Variants in ASIC2 observed in about 807,000 individuals in gnomAD.
The protein encoded by ASIC2 is acid-sensing ion channel 2.
In ASIC2, 25 loss-of-function variants were observed where a neutral mutation model predicts 57.3. That is an observed-to-expected ratio of 0.44 (90% CI 0.32 to 0.61). The LOEUF is 0.61. Among genes scored for constraint, ASIC2 ranks in the 20% least tolerant of loss-of-function variants. The pLI, the probability that ASIC2 is intolerant of heterozygous loss-of-function variation, is 0.06. For synonymous variants in ASIC2, 319 were observed against 307.5 expected, an observed-to-expected ratio of 1.04 and a Z score of -0.39; for missense variants, 641 against 738.1, an observed-to-expected ratio of 0.87 and a Z score of 1.52.
intron 1 of ASIC2, among the ~76,000 whole-genome samples, chr17:34,135,656 GA>G (rs1485324383): frequency 6.6e-6 from 1 of 152,014 alleles, no homozygotes; most frequent in Admixed American, 6.6e-5. Flanking sequence ...ACAGGATGAT[GA>G]AGTTTCCCAC....
At chr17:33,789,466 A>T (rs4104334) in intron 1 of ASIC2, among the ~76,000 whole-genome samples, 3,059 of 26,396 alleles carry the variant, frequency 0.12, 46 homozygotes, top group African/African-American at 0.19. Flanking sequence ...AATCATGGTC[A>T]CACACACACA....
chr17:33,543,951 G>A (rs963475340), intron 1 of ASIC2, among the ~76,000 whole-genome samples: 2 of 152,182 alleles, frequency 1.3e-5, no homozygotes, highest in African/African-American at 4.8e-5. Flanking sequence ...AAAGTATACA[G>A]TTGCATAAGC....
intron 1 of ASIC2, among the ~76,000 whole-genome samples, chr17:33,987,914 A>T (rs528849471): frequency 1.3e-5 from 2 of 152,380 alleles, no homozygotes; most frequent in South Asian, 4.1e-4. Context: ...AATAATAAAC[A>T]GTAATAAGAG....
At chr17:33,886,508 CACACACACATAT>C (rs1326716590) in intron 1 of ASIC2, among the ~76,000 whole-genome samples, 4 of 152,122 alleles carry the variant, frequency 2.6e-5, no homozygotes, top group African/African-American at 9.7e-5. Flanking sequence ...CTCATTCAAA[CACACACACATAT>C]ACACACACAC....
chr17:33,796,290 A>G (rs1450841306), intron 1 of ASIC2, among the ~76,000 whole-genome samples: 1 of 152,152 alleles, frequency 6.6e-6, no homozygotes, highest in East Asian at 1.9e-4. Flanking sequence ...CATAATGCTA[A>G]GCACATCTGG....
intron 1 of ASIC2, among the ~76,000 whole-genome samples, chr17:33,574,164 A>G (rs1000017219): frequency 6.6e-6 from 1 of 152,240 alleles, no homozygotes; most frequent in South Asian, 2.1e-4. Context: ...TTGTATCTGC[A>G]TTAGCATAAG....
At chr17:34,081,364 T>C (rs184598513) in intron 1 of ASIC2, among the ~76,000 whole-genome samples, 14 of 152,250 alleles carry the variant, frequency 9.2e-5, no homozygotes, top group Non-Finnish European at 1.5e-5. Context: ...TTAGAAGTGA[T>C]AGAAAAGGCA....
chr17:33,761,835 G>C (rs1910790556), intron 1 of ASIC2, among the ~76,000 whole-genome samples: 1 of 122,424 alleles, frequency 8.2e-6, no homozygotes, highest in African/African-American at 2.8e-5. Context: ...CAGCGCAAGG[G>C]CTTTTTTTTT....
chr17:33,236,214 A>T (rs987633549), intron 1 of ASIC2, among the ~76,000 whole-genome samples: 7 of 152,164 alleles, frequency 4.6e-5, no homozygotes, highest in Non-Finnish European at 1.0e-4. Context: ...TGTATTTTGC[A>T]TGAAGGAAGG....
Position 33,475,338 on chromosome 17 carries a change from C to T in ASIC2, c.556-363271G>A, listed in dbSNP as rs1597742262. Reference sequence around the variant, plus strand: ...TAAAATATTGCAGATACAATGGAATCGTATGTTGTACTTCTACTCCTCCTT... The same window carrying T: ...TAAAATATTGCAGATACAATGGAATTGTATGTTGTACTTCTACTCCTCCTT... On this transcript the variant is annotated intron_variant, in intron 1 of 9. Transcript: ENST00000359872. 3.3e-5 allele frequency among the ~76,000 whole-genome samples: 5 copies of T among 152,048 alleles called. No homozygotes were observed. The South Asian group carries it at 6.2e-4, about 19-fold the overall frequency.
chr17:33,647,943 CA>C (rs1906797886), intron 1 of ASIC2, among the ~76,000 whole-genome samples: 1 of 152,102 alleles, frequency 6.6e-6, no homozygotes, highest in Non-Finnish European at 1.5e-5. Flanking sequence ...TTCCAGACAC[CA>C]GGGAGGTATG....
At chr17:33,837,857 T>C (rs1223354623) in intron 1 of ASIC2, among the ~76,000 whole-genome samples, 1 of 152,152 alleles carries the variant, frequency 6.6e-6, no homozygotes, top group Non-Finnish European at 1.5e-5. Flanking sequence ...TCCAAACTCT[T>C]CTACATCCAG....
chr17:33,877,294 C>T (rs1022862939), intron 1 of ASIC2, among the ~76,000 whole-genome samples: 6 of 152,078 alleles, frequency 3.9e-5, no homozygotes, highest in African/African-American at 7.2e-5. Flanking sequence ...TGCAGCACAC[C>T]GAGCATGAGC....
chr17:33,983,109 C>T (rs1469569809), intron 1 of ASIC2, among the ~76,000 whole-genome samples: 2 of 152,148 alleles, frequency 1.3e-5, no homozygotes, highest in Non-Finnish European at 2.9e-5. Context: ...TGGCTGTCCA[C>T]TTAACTTGCT....
intron 1 of ASIC2, among the ~76,000 whole-genome samples, chr17:33,181,257 A>C (rs1271632355): frequency 6.6e-6 from 1 of 152,206 alleles, no homozygotes; most frequent in Non-Finnish European, 1.5e-5. Context: ...GTGTAAAATA[A>C]GGATAAAACT....
chr17:33,477,612 C>T (rs939717506), intron 1 of ASIC2, among the ~76,000 whole-genome samples: 6 of 152,194 alleles, frequency 3.9e-5, no homozygotes, highest in Non-Finnish European at 8.8e-5. Context: ...CTTCTTCTTT[C>T]ACTAGATCCT....
intron 1 of ASIC2, among the ~76,000 whole-genome samples, chr17:33,734,973 A>G (rs1051509781): frequency 2.0e-5 from 3 of 152,142 alleles, no homozygotes; most frequent in African/African-American, 7.2e-5. Flanking sequence ...CTTTCTTGCT[A>G]TTTCTCAAAA....
chr17:33,308,892 C>T (rs1906289599), intron 1 of ASIC2, among the ~76,000 whole-genome samples: 1 of 152,160 alleles, frequency 6.6e-6, no homozygotes, highest in South Asian at 2.1e-4. Context: ...AACTATCGAT[C>T]TCCTTTGTCG....
chr17:33,758,873 A>T (rs973271916), intron 1 of ASIC2, among the ~76,000 whole-genome samples: 2 of 151,214 alleles, frequency 1.3e-5, no homozygotes, highest in Non-Finnish European at 2.9e-5. Flanking sequence ...TAAATTACCC[A>T]GTTTCAAGTA....
Sources: allele counts gnomAD v4.1 joint callset (sites outside exome capture counted in the v4.1 genomes callset), GRCh38; gene constraint gnomAD v4.1.1; transcripts MANE v1.5; gene names NCBI Gene and HGNC (gene_info 2026-07-23, HGNC 2026-07-21).